PRRC2C: variants seen among roughly 807,000 people sequenced by gnomAD.
PRRC2C encodes protein PRRC2C.
A neutral mutation model predicts 317.2 loss-of-function variants in PRRC2C; 72 were observed. That is an observed-to-expected ratio of 0.23 (90% CI 0.19 to 0.28). The LOEUF (loss-of-function observed/expected upper bound fraction) is 0.28, where lower values mean the gene tolerates loss of function less well. PRRC2C is among the 10% of genes least tolerant of loss of function. PRRC2C has a pLI of 1.00. For missense variants in PRRC2C, 3,074 were observed against 3,459.7 expected, an observed-to-expected ratio of 0.89 and a Z score of 2.80; for synonymous variants, 1,296 against 1,205.9, an observed-to-expected ratio of 1.07 and a Z score of -1.55.
In PRRC2C at chr1:171,577,771, ATTTTT is replaced by A. The variant is rs1553245738; in HGVS notation, c.7159+154_7159+158del. The A allele has an allele frequency of 4.9e-4, 147 of 298,586 alleles. 2 individuals are homozygous for A. Among genetic ancestry groups the A allele is most frequent in the East Asian group, 1.1e-3 (19 of 17,596 alleles). 18.5% of individuals were successfully genotyped at this position (298,586 alleles called of 1,614,324 possible). The stretch of plus-strand genomic sequence containing the variant: ...CATTGCTGTAAATATTTAAATTCGC[ATTTTT>A]TTTTTTTTTTTTTTTTTTTGAGATG... On this transcript the variant is annotated intron_variant, in intron 26 of 34. Coordinates refer to ENST00000647382, the MANE Select transcript of PRRC2C (RefSeq NM_001387844.1).
At chr1:171,558,692 C>A (rs1471387552) in intron 19 of PRRC2C, among the ~76,000 whole-genome samples, 1 of 151,726 alleles carries the variant, frequency 6.6e-6, no homozygotes, top group South Asian at 2.1e-4. Context: ...ACCAGCTGTT[C>A]CCTGATATCT....
chr1:171,532,695 A>G lies in PRRC2C; in HGVS notation c.1607A>G (p.Asp536Gly). ...EQEREKEREKDRERQQEKEKE... is the reference protein window; with the variant it reads ...EQEREKEREKGRERQQEKEKE... ...GAGCGAGAGAAGGAGAGGGAAAAAGACAGAGAGAGACAGCAGGAAAAGGAG... is the reference window on the plus strand; with the variant it reads ...GAGCGAGAGAAGGAGAGGGAAAAAGGCAGAGAGAGACAGCAGGAAAAGGAG... Residue 536 changes from aspartate (D) to glycine (G), a missense_variant, in exon 12 of 35, where the codon GAC becomes GGC. Physicochemically the swap from Asp to Gly is moderately conservative, Grantham distance 94. Transcript: ENST00000647382. 1 of 1,551,230 alleles carries G rather than the reference A, an allele frequency of 6.4e-7. No homozygotes were observed. Among genetic ancestry groups the G allele is most frequent in the Non-Finnish European group, 8.7e-7 (1 of 1,146,966 alleles).
At chr1:171,591,522 A>G in intron 34 of PRRC2C, 65 bp from the exon 35 acceptor site, 1 of 1,563,290 alleles carries the variant, frequency 6.4e-7, no homozygotes, top group Non-Finnish European at 8.7e-7. Flanking sequence ...AATTTGAACC[A>G]AGATTGATTT....
In PRRC2C at chr1:171,545,637, CAA is replaced by C; in HGVS notation, c.4925_4926del (p.Lys1642ArgfsTer10). ...GACCCCAAACCAGGCCCTAAAAAAC[CAA>C]AAGAGAAAGTGGATGCTCTATCACA... On this transcript the variant is annotated frameshift_variant, in exon 17 of 35. Coordinates refer to ENST00000647382, the MANE Select transcript of PRRC2C (RefSeq NM_001387844.1). LOFTEE classifies it high-confidence loss of function. The C allele has an allele frequency of 6.2e-7, 1 of 1,613,154 alleles. No homozygotes were observed. Among genetic ancestry groups the C allele is most frequent in the Non-Finnish European group, 8.5e-7 (1 of 1,179,512 alleles).
chr1:171,550,285 G>A (rs757815915), intron 18 of PRRC2C, 45 bp downstream of exon 18: 24 of 1,485,614 alleles, frequency 1.6e-5, no homozygotes, highest in Non-Finnish European at 1.8e-5. Flanking sequence ...TAGATTTGTT[G>A]CCCAAAGTGT....
chr1:171,487,645 T>C (rs1484860570), intron 1 of PRRC2C, among the ~76,000 whole-genome samples: 1 of 152,114 alleles, frequency 6.6e-6, no homozygotes, highest in Non-Finnish European at 1.5e-5. Context: ...TATTCCCTCA[T>C]CTGTAAAATG....
At chr1:171,550,483 A>G (rs1410574942) in intron 18 of PRRC2C, among the ~76,000 whole-genome samples, 1 of 148,628 alleles carries the variant, frequency 6.7e-6, no homozygotes, top group African/African-American at 2.5e-5. Flanking sequence ...TTTTTTTTTA[A>G]ATACTGTAAG....
chr1:171,591,501 A>C, intron 34 of PRRC2C, 86 bp from the exon 35 acceptor site: 1 of 1,507,304 alleles, frequency 6.6e-7, no homozygotes, highest in Non-Finnish European at 9.0e-7. Context: ...CTGATTTGTG[A>C]TTGGTAAAAG....
chr1:171,518,016 A>G (rs1166920670), intron 6 of PRRC2C, among the ~76,000 whole-genome samples: 1 of 152,246 alleles, frequency 6.6e-6, no homozygotes, highest in Non-Finnish European at 1.5e-5. Context: ...CATTTGGGCT[A>G]TCCGGGAAAC....
chr1:171,487,278 C>A (rs1166073434), intron 1 of PRRC2C, among the ~76,000 whole-genome samples: 2 of 152,130 alleles, frequency 1.3e-5, no homozygotes, highest in Non-Finnish European at 2.9e-5. Context: ...TGACCAAGGT[C>A]ACATAGCAGT....
intron 30 of PRRC2C, among the ~76,000 whole-genome samples, chr1:171,586,612 C>T (rs1202932904): frequency 2.3e-5 from 3 of 132,294 alleles, no homozygotes; most frequent in Non-Finnish European, 3.3e-5. Context: ...GACAGAGTCT[C>T]GCTCTGTCGC....
chr1:171,502,881 C>T (rs1233193453), intron 1 of PRRC2C, among the ~76,000 whole-genome samples: 2 of 152,110 alleles, frequency 1.3e-5, no homozygotes, highest in Admixed American at 1.3e-4. Flanking sequence ...GCACCACACA[C>T]CCGGCTAGTT....
chr1:171,535,934 G>A lies in PRRC2C; in HGVS notation c.2044-95G>A, dbSNP rs547132575. 13 of 1,442,980 alleles carry A rather than the reference G, an allele frequency of 9.0e-6. No individual in the cohort carries two copies. In the South Asian group the frequency reaches 1.4e-4, roughly 15 times the overall value. The allele number at this position is 1,442,980 out of a possible 1,614,324, so 89.4% of individuals were successfully genotyped here. ...TTTTGAACTCTTACTTTTCCTTCAAGGATTCAAAACAGGCCATTATTTTGT... is the reference window on the plus strand; with the variant it reads ...TTTTGAACTCTTACTTTTCCTTCAAAGATTCAAAACAGGCCATTATTTTGT... On this transcript the variant is annotated intron_variant, in intron 13 of 34. Transcript: ENST00000647382.
chr1:171,486,255 C>T (rs1666075259), intron 1 of PRRC2C, among the ~76,000 whole-genome samples: 1 of 151,866 alleles, frequency 6.6e-6, no homozygotes, highest in Non-Finnish European at 1.5e-5. Flanking sequence ...GGTTTAAAGA[C>T]CTGGTTAGAT....
chr1:171,517,609 A>T lies in PRRC2C; in HGVS notation c.545A>T (p.Asp182Val). The T allele has an allele frequency of 1.2e-6, 2 of 1,608,656 alleles. No individual in the cohort carries two copies. The highest frequency in any genetic ancestry group is 2.2e-5 in the East Asian group (1 of 44,788). ...LRPPNVACWR[D>V]GGKAAGSPSS... is the part of the protein sequence containing the mutation. Reference sequence around the variant, plus strand: ...ATACTAGATGTTGCTTGTTGGAGAGATGGTGGTAAGGCTGCTGGCTCACCT... The same window carrying T: ...ATACTAGATGTTGCTTGTTGGAGAGTTGGTGGTAAGGCTGCTGGCTCACCT... The change falls in exon 6 of 35, where the codon GAT becomes GTT. Residue 182 changes from aspartate to valine, a missense_variant. Physicochemically the swap from Asp to Val is radical, Grantham distance 152. Transcript: ENST00000647382.
chr1:171,518,885 C>CT (rs767023404), intron 6 of PRRC2C, among the ~76,000 whole-genome samples: 1,483 of 130,790 alleles, frequency 0.011, 11 homozygotes, highest in African/African-American at 0.025. Flanking sequence ...TTTCCTACCA[C>CT]TTTTTTTTTT....
chr1:171,491,610 T>C (rs1052641001), intron 1 of PRRC2C, among the ~76,000 whole-genome samples: 1 of 152,114 alleles, frequency 6.6e-6, no homozygotes, highest in Admixed American at 6.5e-5. Flanking sequence ...ATTGGAGAAA[T>C]GGTCACTAAG....
At chr1:171,550,058 T>C (rs1679914224) in intron 17 of PRRC2C, 28 bp from the exon 18 acceptor site, 1 of 1,512,736 alleles carries the variant, frequency 6.6e-7, no homozygotes, top group African/African-American at 1.4e-5. Flanking sequence ...AAACAGAAAA[T>C]ATCTTAAATC....
intron 20 of PRRC2C, among the ~76,000 whole-genome samples, chr1:171,562,813 C>G (rs1682950511): frequency 6.6e-6 from 1 of 151,934 alleles, no homozygotes. Context: ...AAGTCATTAG[C>G]ATATAGATGA....
Sources: allele counts gnomAD v4.1 joint callset (sites outside exome capture counted in the v4.1 genomes callset), GRCh38; gene constraint gnomAD v4.1.1; transcripts MANE v1.5; gene names NCBI Gene and HGNC (gene_info 2026-07-23, HGNC 2026-07-21).